The following ERLIN1 variants were observed in gnomAD, a reference collection of about 807,000 sequenced individuals.
The protein encoded by ERLIN1 is ER lipid raft associated 1.
Under a neutral mutation model 46.9 loss-of-function variants are expected in ERLIN1, and 24 were observed. The ratio of observed to expected loss-of-function variants is 0.51; its 90% CI spans 0.37 to 0.72. The LOEUF (loss-of-function observed/expected upper bound fraction) is 0.72, where lower values mean the gene tolerates loss of function less well. ERLIN1 is among the 30% of genes least tolerant of loss of function. The pLI, the probability that ERLIN1 is intolerant of heterozygous loss-of-function variation, is 0.00. For missense variants in ERLIN1, 293 were observed against 417.9 expected (o/e 0.70, Z 2.61); for synonymous variants, 158 against 143.2 (o/e 1.10, Z -0.74).
At chr10:100,185,421 C>T in intron 1 of ERLIN1, 93 bp downstream of exon 1, 2 of 988,418 alleles carry the variant, frequency 2.0e-6, no homozygotes, top group South Asian at 1.4e-5. Context: ...CATGCGCCCC[C>T]GAACGTTGCA....
Position 100,152,163 on chromosome 10 carries a change from T to C in ERLIN1, c.1015A>G (p.Asn339Asp), listed in dbSNP as rs199928340. The C allele has an allele frequency of 1.1e-5, 17 of 1,613,272 alleles. No homozygotes were observed. The East Asian group carries it at 1.8e-4, about 17-fold the overall frequency. ...SKEALEPSGE[N>D]VIQNKESTG ...GTGCTCTCTTTGTTTTGGATGACGT[T>C]CTCTCCAGAGGGTTCAAGAGCCTCC... The change falls in exon 11 of 11, where the codon AAC becomes GAC. Residue 339 changes from asparagine (N) to aspartate (D), a missense_variant. By Grantham distance (23) the Asn-to-Asp change is conservative. Coordinates refer to ENST00000421367, the MANE Select transcript of ERLIN1 (RefSeq NM_006459.4).
rs1842773882 is a variant in ERLIN1 at position 100,150,956 on chromosome 10, AG to A, written c.*1174del. ...ATCTCCTGGGGGAGGTGACAGCTGG[AG>A]AAACAACTTGGATTTAAGCATCTCT... is the stretch of plus-strand genomic sequence containing the variant. On this transcript the variant is annotated 3_prime_UTR_variant, in exon 11 of 11. Coordinates refer to ENST00000421367, the MANE Select transcript of ERLIN1 (RefSeq NM_006459.4). The A allele has an allele frequency of 6.6e-6, 1 of 152,256 alleles. No homozygotes were observed. Among genetic ancestry groups the A allele is most frequent in the Non-Finnish European group, 1.5e-5 (1 of 68,038 alleles). 9.4% of individuals were successfully genotyped at this position (152,256 alleles called of 1,614,324 possible).
At chr10:100,158,455 A>C (rs948577068) in intron 8 of ERLIN1, among the ~76,000 whole-genome samples, 2 of 152,214 alleles carry the variant, frequency 1.3e-5, no homozygotes, top group Non-Finnish European at 2.9e-5. Flanking sequence ...TTGTAGGCTA[A>C]ATTACCATTC....
Position 100,185,990 on chromosome 10 carries a change from A to C in ERLIN1, c.-364T>G. On this transcript the variant is annotated 5_prime_UTR_variant, in exon 1 of 11. Transcript: ENST00000421367. ...TCAGTGACGCATCGCCCCCGCCCGC[A>C]CGTGCAGCCGACTCCCGCGCCGAGC... 4 of 428,088 alleles carry C rather than the reference A, an allele frequency of 9.3e-6. No individual in the cohort carries two copies. The highest frequency in any genetic ancestry group is 1.2e-5 in the Non-Finnish European group (3 of 244,082). The allele number at this position is 428,088 out of a possible 1,614,324, so 26.5% of individuals were successfully genotyped here. A position where few individuals can be genotyped will look rare whatever the true frequency, so the allele number is the denominator to read the frequency against.
At chr10:100,172,633 C>T (rs558235920) in intron 6 of ERLIN1, among the ~76,000 whole-genome samples, 1 of 152,264 alleles carries the variant, frequency 6.6e-6, no homozygotes, top group South Asian at 2.1e-4. Context: ...TAATTGCCCA[C>T]CCATCCATAT....
intron 2 of ERLIN1, among the ~76,000 whole-genome samples, chr10:100,182,512 T>C (rs1013013133): frequency 3.3e-5 from 5 of 152,230 alleles, no homozygotes; most frequent in Admixed American, 2.6e-4. Flanking sequence ...TGGGTCCCCA[T>C]GTTCATTACA....
At chr10:100,175,908 A>G (rs1405299104) in intron 5 of ERLIN1, 37 bp downstream of exon 5, 8 of 1,595,412 alleles carry the variant, frequency 5.0e-6, no homozygotes, top group African/African-American at 2.7e-5. Flanking sequence ...AAGATTTCCA[A>G]TTGGCTATTT....
At position 100,167,414 on chromosome 10, in the gene ERLIN1, A is replaced by C; in HGVS notation, c.505-8T>G. 6.2e-7 allele frequency: 1 copy of C among 1,609,148 alleles called. No homozygotes were observed. Among genetic ancestry groups the C allele is most frequent in the Non-Finnish European group, 8.5e-7 (1 of 1,178,016 alleles). Reference sequence around the variant, plus strand: ...TTTTGTAACACGCACAGCCTAAAAAATAAAAGTGAAAAAGCCAAAGTATAT... The same window carrying C: ...TTTTGTAACACGCACAGCCTAAAAACTAAAAGTGAAAAAGCCAAAGTATAT... On this transcript the variant is annotated splice_polypyrimidine_tract_variant and splice_region_variant and intron_variant, in intron 6 of 10. Coordinates refer to ENST00000421367, the MANE Select transcript of ERLIN1 (RefSeq NM_006459.4).
intron 8 of ERLIN1, among the ~76,000 whole-genome samples, chr10:100,158,236 G>A (rs1203065364): frequency 6.6e-6 from 1 of 152,190 alleles, no homozygotes; most frequent in African/African-American, 2.4e-5. Flanking sequence ...CAGTTAAGAA[G>A]TAACCTCTTC....
Position 100,182,493 on chromosome 10 carries a change from C to T in ERLIN1, c.195+1263G>A, listed in dbSNP as rs541744145. 5.3e-5 allele frequency among the ~76,000 whole-genome samples: 8 copies of T among 152,246 alleles called. No individual in the cohort carries two copies. The South Asian group carries it at 6.2e-4, about 12-fold the overall frequency. The stretch of plus-strand genomic sequence containing the variant: ...TTTCCAAAGTCATGCCACCAACTGG[C>T]GGTAACGCTGGGTCCCCATGTTCAT... On this transcript the variant is annotated intron_variant, in intron 2 of 10. Transcript: ENST00000421367.
At chr10:100,173,384 G>A (rs921911403) in intron 6 of ERLIN1, among the ~76,000 whole-genome samples, 2 of 152,060 alleles carry the variant, frequency 1.3e-5, no homozygotes, top group Admixed American at 1.3e-4. Context: ...TTGCACTGAC[G>A]TCCAATATAA....
chr10:100,171,961 G>A (rs566771927), intron 6 of ERLIN1, among the ~76,000 whole-genome samples: 1 of 152,136 alleles, frequency 6.6e-6, no homozygotes, highest in African/African-American at 2.4e-5. Context: ...GCTAATGAGG[G>A]GGGGAGCTGC....
At chr10:100,176,192 G>A (rs1437116932) in intron 4 of ERLIN1, 122 bp from the exon 5 acceptor site, 6 of 787,568 alleles carry the variant, frequency 7.6e-6, no homozygotes, top group Non-Finnish European at 1.1e-5. Flanking sequence ...ACAAAATAGT[G>A]AAACCAAAAA....
Position 100,185,597 on chromosome 10 carries a change from C to T in ERLIN1, c.30G>A (p.Val10=), listed in dbSNP as rs758296309. 3 of 1,613,942 alleles carry T rather than the reference C, an allele frequency of 1.9e-6. No individual in the cohort carries two copies. The highest frequency in any genetic ancestry group is 2.2e-5 in the South Asian group (2 of 91,090). Residue 10 remains valine (V), a synonymous_variant, in exon 1 of 11, where the codon GTG becomes GTA. Coordinates refer to ENST00000421367, the MANE Select transcript of ERLIN1 (RefSeq NM_006459.4). MNMTQARVL[V]AAVVGLVAVL... ...CAGCCACCAACCCCACCACTGCAGC[C>T]ACCAGAACCCGGGCTTGAGTCATAT...
At chr10:100,176,327 C>A (rs1171254666) in intron 4 of ERLIN1, among the ~76,000 whole-genome samples, 1 of 152,166 alleles carries the variant, frequency 6.6e-6, no homozygotes, top group Non-Finnish European at 1.5e-5. Context: ...AAAGTCCACA[C>A]TAAAGTATCC....
chr10:100,152,218 C>T lies in ERLIN1; in HGVS notation c.960G>A (p.Arg320=). 1 of 1,613,170 alleles carries T rather than the reference C, an allele frequency of 6.2e-7. No homozygotes were observed. Among genetic ancestry groups the T allele is most frequent in the African/African-American group, 1.3e-5 (1 of 75,018 alleles). The change falls in exon 11 of 11, where the codon AGG becomes AGA. Residue 320 remains arginine (R), a synonymous_variant. Coordinates refer to ENST00000421367, the MANE Select transcript of ERLIN1 (RefSeq NM_006459.4). ...SSCALKYSDI[R]TGRESSLPSK... The stretch of plus-strand genomic sequence containing the variant: ...AGGGGAGTGAGCTTTCTCTTCCAGT[C>T]CTAATATCTGAATATTTCAAAGCAC...
intron 5 of ERLIN1, among the ~76,000 whole-genome samples, chr10:100,175,229 C>T (rs1844222407): frequency 6.6e-6 from 1 of 152,174 alleles, no homozygotes; most frequent in South Asian, 2.1e-4. Context: ...CACCTAGGAA[C>T]TTGGATTTGT....
At chr10:100,162,881 G>A (rs1466119237) in intron 8 of ERLIN1, among the ~76,000 whole-genome samples, 1 of 152,116 alleles carries the variant, frequency 6.6e-6, no homozygotes, top group Non-Finnish European at 1.5e-5. Context: ...ACTGAGTAAT[G>A]CTACTCTATG....
At chr10:100,180,401 A>C (rs892879412) in intron 2 of ERLIN1, among the ~76,000 whole-genome samples, 5 of 152,266 alleles carry the variant, frequency 3.3e-5, no homozygotes, top group African/African-American at 7.2e-5. Flanking sequence ...AAAACAAAAC[A>C]AAACCAAAAA....
Sources: allele counts gnomAD v4.1 joint callset (sites outside exome capture counted in the v4.1 genomes callset), GRCh38; gene constraint gnomAD v4.1.1; transcripts MANE v1.5; gene names NCBI Gene and HGNC (gene_info 2026-07-23, HGNC 2026-07-21).